The following GLIS3 variants were observed in gnomAD, a reference collection of about 807,000 sequenced individuals.
GLIS3 encodes zinc finger protein GLIS3.
In GLIS3, 53 loss-of-function variants were observed where a neutral mutation model predicts 78.6. The observed-to-expected ratio is 0.67, with a 90% CI of 0.54 to 0.85. GLIS3 has a LOEUF of 0.85. Among genes scored for constraint, GLIS3 ranks in the 40% least tolerant of loss-of-function variants. The pLI is 0.00. For synonymous variants in GLIS3, 684 were observed against 509.9 expected, an observed-to-expected ratio of 1.34 and a Z score of -4.60; for missense variants, 1,703 against 1,231.1, an observed-to-expected ratio of 1.38 and a Z score of -5.74.
chr9:3,858,968 T>C (rs1819978531), intron 8 of GLIS3, among the ~76,000 whole-genome samples: 1 of 152,180 alleles, frequency 6.6e-6, no homozygotes, highest in Non-Finnish European at 1.5e-5. Flanking sequence ...AATTTAATAT[T>C]TATAAAGTTA....
chr9:3,923,200 C>T (rs140376625), intron 6 of GLIS3, among the ~76,000 whole-genome samples: 1 of 152,334 alleles, frequency 6.6e-6, no homozygotes, highest in Non-Finnish European at 1.5e-5. Flanking sequence ...TCGTTTCCCA[C>T]ATTACCACTA....
intron 4 of GLIS3, among the ~76,000 whole-genome samples, chr9:4,081,964 T>G (rs1210041578): frequency 6.6e-6 from 1 of 152,234 alleles, no homozygotes; most frequent in East Asian, 1.9e-4. Flanking sequence ...TCATGCTTCT[T>G]AAATGCCATT....
intron 4 of GLIS3, among the ~76,000 whole-genome samples, chr9:4,076,453 C>T (rs1389002355): frequency 1.3e-5 from 2 of 152,188 alleles, no homozygotes; most frequent in East Asian, 3.9e-4. Context: ...AAGTTTTGTT[C>T]TGAGTACCAC....
chr9:4,297,074 G>C (rs1816594693), intron 1 of GLIS3, among the ~76,000 whole-genome samples: 1 of 151,262 alleles, frequency 6.6e-6, no homozygotes, highest in African/African-American at 2.4e-5. Context: ...GGAGATAAAA[G>C]AGAAGAAGTA....
intron 4 of GLIS3, among the ~76,000 whole-genome samples, chr9:4,013,829 T>C (rs1003182466): frequency 1.3e-5 from 2 of 152,132 alleles, no homozygotes; most frequent in African/African-American, 4.8e-5. Flanking sequence ...GATCCAACTG[T>C]GAAGGGACGA....
chr9:4,435,744 T>C, the GLIS3 span, among the ~76,000 whole-genome samples: 18 of 152,224 alleles, frequency 1.2e-4, no homozygotes, highest in African/African-American at 3.4e-4. Flanking sequence ...GGTCAGGAGA[T>C]GGAGACCATC....
At chr9:4,165,118 C>T (rs988291396) in intron 2 of GLIS3, among the ~76,000 whole-genome samples, 4 of 152,072 alleles carry the variant, frequency 2.6e-5, no homozygotes, top group Non-Finnish European at 5.9e-5. Flanking sequence ...GCTGGAGGGG[C>T]CCTGAAACAT....
chr9:4,407,354 T>C, the GLIS3 span, among the ~76,000 whole-genome samples: 1 of 152,136 alleles, frequency 6.6e-6, no homozygotes, highest in Non-Finnish European at 1.5e-5. Context: ...AAGAAAACAC[T>C]GGAAAAACTG....
At chr9:4,450,859 T>C in the GLIS3 span, among the ~76,000 whole-genome samples, 1 of 152,078 alleles carries the variant, frequency 6.6e-6, no homozygotes. Context: ...GCACTAAACA[T>C]GGAAACAAAC....
chr9:4,341,319 C>T (rs1047619699), intron 2 of GLIS3, among the ~76,000 whole-genome samples: 1 of 152,208 alleles, frequency 6.6e-6, no homozygotes, highest in African/African-American at 2.4e-5. Flanking sequence ...AGCTCTATTA[C>T]CCTGGGATTA....
In GLIS3 at chr9:3,977,222, C is replaced by A. The variant is rs983513484; in HGVS notation, c.1711-40033G>T. ...TCAGTTCAGATGACAAAAGACCTTGCTAGGCCACCCCTCCTCCACCCAGAT... is the reference window on the plus strand; with the variant it reads ...TCAGTTCAGATGACAAAAGACCTTGATAGGCCACCCCTCCTCCACCCAGAT... On this transcript the variant is annotated intron_variant, in intron 4 of 10. Transcript: ENST00000381971. The surrounding 1 kb of genome is among the most constrained non-coding windows in gnomAD (Gnocchi z 4.1). 2.0e-5 allele frequency among the ~76,000 whole-genome samples: 3 copies of A among 152,212 alleles called. No homozygotes were observed. Among genetic ancestry groups the A allele is most frequent in the Non-Finnish European group, 1.5e-5 (1 of 67,974 alleles).
At chr9:3,852,491 C>G (rs548265164) in intron 9 of GLIS3, among the ~76,000 whole-genome samples, 1 of 152,198 alleles carries the variant, frequency 6.6e-6, no homozygotes, top group African/African-American at 2.4e-5. Flanking sequence ...ACAACTCCAG[C>G]AAACTCGTCC....
At chr9:3,992,259 A>C (rs1200465223) in intron 4 of GLIS3, among the ~76,000 whole-genome samples, 1 of 152,206 alleles carries the variant, frequency 6.6e-6, no homozygotes, top group Non-Finnish European at 1.5e-5. Context: ...TTCCAGAAGT[A>C]ATTTTTTGGG....
chr9:3,934,478 C>T (rs896692802), intron 5 of GLIS3, among the ~76,000 whole-genome samples: 2 of 150,164 alleles, frequency 1.3e-5, no homozygotes, highest in African/African-American at 4.9e-5. Flanking sequence ...GGCACAATCT[C>T]GGCTCACTGC....
the GLIS3 span, among the ~76,000 whole-genome samples, chr9:4,453,068 T>C: frequency 1.3e-5 from 2 of 152,204 alleles, no homozygotes; most frequent in African/African-American, 4.8e-5. Flanking sequence ...AGGAAAAGGA[T>C]TCCCTTCTTT....
chr9:3,834,162 C>T (rs751368505), intron 9 of GLIS3, among the ~76,000 whole-genome samples: 3 of 152,114 alleles, frequency 2.0e-5, no homozygotes, highest in Non-Finnish European at 4.4e-5. Flanking sequence ...CTTTTAGTCA[C>T]GGAGTCACTA....
chr9:4,100,891 A>G (rs1830321306), intron 4 of GLIS3, among the ~76,000 whole-genome samples: 1 of 152,106 alleles, frequency 6.6e-6, no homozygotes, highest in Non-Finnish European at 1.5e-5. Flanking sequence ...CCCTCCTGGA[A>G]CCCTCTCGTT....
At chr9:4,041,288 A>C (rs1473301178) in intron 4 of GLIS3, among the ~76,000 whole-genome samples, 2 of 152,180 alleles carry the variant, frequency 1.3e-5, no homozygotes, top group Admixed American at 6.6e-5. Flanking sequence ...ATTTCCCTCT[A>C]CCAACTAGGG....
chr9:4,347,571 A>G (rs1296405414), intron 1 of GLIS3, among the ~76,000 whole-genome samples: 1 of 152,216 alleles, frequency 6.6e-6, no homozygotes, highest in Non-Finnish European at 1.5e-5. Context: ...GATGAGCTTT[A>G]AGTGAAGTTT....
Sources: gnomAD v4.1 joint callset for allele counts (sites outside exome capture counted in the v4.1 genomes callset) on GRCh38, gnomAD v4.1.1 for gene constraint, Gnocchi (gnomAD v3.1) non-coding constraint, MANE v1.5 for transcripts, NCBI Gene and HGNC (gene_info 2026-07-23, HGNC 2026-07-21) for gene names.